The following USH2A variants were observed in gnomAD, a reference collection of about 807,000 sequenced individuals.
The protein encoded by USH2A is Usher syndrome 2A (autosomal recessive, mild).
In USH2A, 443 loss-of-function variants were observed where a neutral mutation model predicts 538.9. That is an observed-to-expected ratio of 0.82 (90% confidence interval 0.76 to 0.89). The LOEUF is 0.89. USH2A is among the 40% of genes least tolerant of loss of function. USH2A has a pLI of 0.00. For missense variants in USH2A, 6,633 were observed against 6,324.8 expected, an observed-to-expected ratio of 1.05 and a Z score of -1.65; for synonymous variants, 2,413 against 2,273.5, an observed-to-expected ratio of 1.06 and a Z score of -1.75.
chr1:216,288,424 T>A (rs1282333045), intron 11 of USH2A, among the ~76,000 whole-genome samples: 1 of 152,140 alleles, frequency 6.6e-6, no homozygotes, highest in Non-Finnish European at 1.5e-5. Context: ...TGTCTTTTAT[T>A]TGGGAAAGCA....
chr1:216,317,384 G>A (rs1019475857), intron 9 of USH2A, among the ~76,000 whole-genome samples: 1 of 152,072 alleles, frequency 6.6e-6, no homozygotes, highest in Non-Finnish European at 1.5e-5. Flanking sequence ...ACACATTGGG[G>A]CCTCTTAGGG....
intron 20 of USH2A, among the ~76,000 whole-genome samples, chr1:216,183,382 T>A (rs931161103): frequency 2.0e-5 from 3 of 151,930 alleles, no homozygotes; most frequent in African/African-American, 4.8e-5. Context: ...AAAAAGCATT[T>A]AAAAAAAGCA....
intron 23 of USH2A, 189 bp from the exon 24 acceptor site, chr1:216,087,009 T>C: frequency 1.7e-6 from 1 of 573,120 alleles, no homozygotes; most frequent in South Asian, 1.8e-5. Flanking sequence ...GTTGGAATGA[T>C]CCAGACCGCC....
intron 3 of USH2A, among the ~76,000 whole-genome samples, chr1:216,395,108 C>G (rs1305201163): frequency 1.3e-5 from 2 of 152,096 alleles, no homozygotes; most frequent in African/African-American, 4.8e-5. Flanking sequence ...TCAAATAGTT[C>G]CCCTTTTCAA....
chr1:215,662,740 C>A (rs1657482390), intron 64 of USH2A, among the ~76,000 whole-genome samples: 1 of 152,110 alleles, frequency 6.6e-6, no homozygotes, highest in Admixed American at 6.5e-5. Flanking sequence ...TCATTTAAAA[C>A]CTTGAGCTGT....
At chr1:215,988,179 T>C (rs929464521) in intron 35 of USH2A, among the ~76,000 whole-genome samples, 2 of 151,936 alleles carry the variant, frequency 1.3e-5, no homozygotes, top group Middle Eastern at 3.2e-3. Context: ...GAACAGCAAC[T>C]CTCCATTTCC....
At chr1:215,714,153 C>A (rs1659416537) in intron 61 of USH2A, among the ~76,000 whole-genome samples, 1 of 152,142 alleles carries the variant, frequency 6.6e-6, no homozygotes, top group Non-Finnish European at 1.5e-5. Flanking sequence ...ATACAGATTT[C>A]CTTTTAGGTG....
chr1:216,262,546 A>G (rs953370769), intron 11 of USH2A, among the ~76,000 whole-genome samples: 1 of 152,104 alleles, frequency 6.6e-6, no homozygotes, highest in Non-Finnish European at 1.5e-5. Context: ...AAAACAGAAT[A>G]AGAAAGAATA....
rs572068129 is a variant in USH2A, at chr1:216,072,730, A to G, written c.5857+159T>C. The G allele has an allele frequency of 1.3e-4, 93 of 709,834 alleles. No individual in the cohort carries two copies. The South Asian group carries it at 1.4e-3, about 11-fold the overall frequency. The allele number at this position is 709,834 out of a possible 1,614,324, so 44.0% of individuals were successfully genotyped here. On this transcript the variant is annotated intron_variant, in intron 29 of 71. Coordinates refer to ENST00000307340, the MANE Select transcript of USH2A (RefSeq NM_206933.4). Reference sequence around the variant, plus strand: ...AATGAAAAGCACTGATCTACTAAGCATTTTAGCCATTGACAGATGTATTTT... The same window carrying G: ...AATGAAAAGCACTGATCTACTAAGCGTTTTAGCCATTGACAGATGTATTTT...
In USH2A at chr1:216,343,540, A is replaced by C. The variant is rs190056866; in HGVS notation, c.785-15886T>G. 6.3e-3 allele frequency among the ~76,000 whole-genome samples: 951 copies of C among 151,656 alleles called. 3 individuals are homozygous for C. The highest frequency in any genetic ancestry group is 0.036 in the East Asian group (184 of 5,142). On this transcript the variant is annotated intron_variant, in intron 4 of 71. Transcript: ENST00000307340. ...TACTACATCTTAAAAAAAAAAAAAAAAGACAGTATTTTGACAATACCATTA... is the reference window on the plus strand; with the variant it reads ...TACTACATCTTAAAAAAAAAAAAAACAGACAGTATTTTGACAATACCATTA...
intron 44 of USH2A, among the ~76,000 whole-genome samples, chr1:215,859,931 G>A (rs1009847336): frequency 6.6e-6 from 1 of 152,204 alleles, no homozygotes; most frequent in East Asian, 1.9e-4. Context: ...CCTAGTTGGA[G>A]GTGTTTGTTG....
chr1:216,234,786 G>A (rs910481499), intron 13 of USH2A, among the ~76,000 whole-genome samples: 9 of 152,156 alleles, frequency 5.9e-5, no homozygotes, highest in African/African-American at 2.2e-4. Context: ...GTAAGTACAA[G>A]TAGGGGATAG....
intron 11 of USH2A, among the ~76,000 whole-genome samples, chr1:216,262,307 T>C (rs1360988667): frequency 6.6e-6 from 1 of 151,746 alleles, no homozygotes; most frequent in African/African-American, 2.4e-5. Flanking sequence ...AATACAGATA[T>C]GCAACTGAAA....
chr1:216,010,266 C>T (rs556504362), intron 32 of USH2A, among the ~76,000 whole-genome samples: 6 of 152,174 alleles, frequency 3.9e-5, no homozygotes, highest in Non-Finnish European at 7.3e-5. Context: ...ACCTCCTCCT[C>T]CAGGAGCTTG....
intron 70 of USH2A, among the ~76,000 whole-genome samples, chr1:215,632,890 C>T (rs955558527): frequency 1.3e-5 from 2 of 152,154 alleles, no homozygotes; most frequent in Admixed American, 6.5e-5. Context: ...GCCCATGGTT[C>T]GAAGTGATCA....
At chr1:216,285,442 G>A (rs2102600880) in intron 11 of USH2A, among the ~76,000 whole-genome samples, 1 of 152,376 alleles carries the variant, frequency 6.6e-6, no homozygotes, top group African/African-American at 2.4e-5. Flanking sequence ...TTCAGAGGAT[G>A]TATGGAAATG....
In USH2A at chr1:215,655,725, C is replaced by CTTTTTTTTTTTTTTTTTT. The variant is rs766225635; in HGVS notation, c.14134-4942_14134-4925dup. Among the ~76,000 whole-genome samples, 33 of 96,190 alleles carry CTTTTTTTTTTTTTTTTTT rather than the reference C, an allele frequency of 3.4e-4. 2 individuals are homozygous for CTTTTTTTTTTTTTTTTTT. Among genetic ancestry groups the CTTTTTTTTTTTTTTTTTT allele is most frequent in the African/African-American group, 1.0e-3 (27 of 25,936 alleles). 63.1% of individuals were successfully genotyped at this position (96,190 alleles called of 152,430 possible). On this transcript the variant is annotated intron_variant, in intron 64 of 71. Coordinates refer to ENST00000307340, the MANE Select transcript of USH2A (RefSeq NM_206933.4). ...TGCTTCTGTTACTGTGCTAGTTATTCTTTTTTTTTTTTTTTTTTTTTTTTC... is the reference window on the plus strand; with the variant it reads ...TGCTTCTGTTACTGTGCTAGTTATTCTTTTTTTTTTTTTTTTTTTTTTTTTTTTTTTTTTTTTTTTTTC...
intron 70 of USH2A, chr1:215,630,251 C>T (rs1656220153): frequency 6.6e-6 from 3 of 457,422 alleles, no homozygotes; most frequent in South Asian, 4.6e-5. Flanking sequence ...ATATCAGCCA[C>T]AGAGTCAAAC....
chr1:215,884,404 G>A (rs1274659992), intron 41 of USH2A, among the ~76,000 whole-genome samples: 1 of 152,140 alleles, frequency 6.6e-6, no homozygotes, highest in African/African-American at 2.4e-5. Context: ...TTGTTGCAGT[G>A]TAAAGAAGTA....
Sources: allele counts gnomAD v4.1 joint callset (sites outside exome capture counted in the v4.1 genomes callset), GRCh38; gene constraint gnomAD v4.1.1; transcripts MANE v1.5; gene names NCBI Gene and HGNC (gene_info 2026-07-23, HGNC 2026-07-21).